The following ARHGAP8 variants were observed in gnomAD, a reference collection of about 807,000 sequenced individuals.
ARHGAP8 encodes the protein Rho GTPase activating protein 8.
A neutral mutation model predicts 46.1 loss-of-function variants in ARHGAP8; 62 were observed. The observed-to-expected ratio is 1.34, with a 90% CI of 1.10 to 1.66. The LOEUF is 1.66. Among genes scored for constraint, ARHGAP8 ranks in the 40% most tolerant of loss-of-function variants. The pLI, the probability that ARHGAP8 is intolerant of heterozygous loss-of-function variation, is 0.00. For missense variants in ARHGAP8, 923 were observed against 568.4 expected, an observed-to-expected ratio of 1.62 and a Z score of -6.34; for synonymous variants, 375 against 243.1, an observed-to-expected ratio of 1.54 and a Z score of -5.05.
At chr22:44,861,112 C>T (rs1057263431) in intron 11 of ARHGAP8, among the ~76,000 whole-genome samples, 1 of 152,166 alleles carries the variant, frequency 6.6e-6, no homozygotes. Flanking sequence ...GCTGGGATTA[C>T]AGGTGAGAAC....
intron 7 of ARHGAP8, among the ~76,000 whole-genome samples, chr22:44,839,544 G>A (rs965394171): frequency 2.0e-5 from 3 of 152,188 alleles, no homozygotes; most frequent in Admixed American, 2.0e-4. Flanking sequence ...GTGGAGCCCA[G>A]CAGGAGGAGC....
intron 7 of ARHGAP8, among the ~76,000 whole-genome samples, chr22:44,835,256 G>A (rs1931207217): frequency 6.7e-6 from 1 of 148,542 alleles, no homozygotes; most frequent in African/African-American, 2.5e-5. Context: ...TATATTTAAA[G>A]TATTTTCTCA....
At chr22:44,861,596 T>C (rs996057674) in intron 11 of ARHGAP8, among the ~76,000 whole-genome samples, 8 of 152,136 alleles carry the variant, frequency 5.3e-5, no homozygotes, top group Admixed American at 3.3e-4. Flanking sequence ...TCATGACCCC[T>C]GTTTCTGACT....
rs1007617865 is a variant in ARHGAP8 at position 44,862,158 on chromosome 22, T to G, written c.982-117T>G. ...AGGGTCCCCATTACTGGCTGCCGGC[T>G]CCCAGTCCAGTGCTCCTCTCACTAC... On this transcript the variant is annotated intron_variant, in intron 11 of 11. Coordinates refer to ENST00000356099, the MANE Select transcript of ARHGAP8 (RefSeq NM_181335.3). 6.3e-6 allele frequency: 8 copies of G among 1,271,740 alleles called. No homozygotes were observed. The African/African-American group carries it at 1.2e-4, about 19-fold the overall frequency. 78.8% of individuals were successfully genotyped at this position (1,271,740 alleles called of 1,614,324 possible). A position where few individuals can be genotyped will look rare whatever the true frequency, so the allele number is the denominator to read the frequency against.
At chr22:44,857,021 AC>A (rs2070245239) in intron 10 of ARHGAP8, among the ~76,000 whole-genome samples, 1 of 141,850 alleles carries the variant, frequency 7.0e-6, no homozygotes, top group African/African-American at 2.9e-5. Context: ...GCTCACTGCA[AC>A]CTCTGCCTCC....
chr22:44,862,256 T>A lies in ARHGAP8; in HGVS notation c.982-19T>A, dbSNP rs543257230. The A allele has an allele frequency of 1.9e-6, 3 of 1,574,020 alleles. No homozygotes were observed. Among genetic ancestry groups the A allele is most frequent in the Non-Finnish European group, 2.6e-6 (3 of 1,155,472 alleles). The stretch of plus-strand genomic sequence containing the variant: ...CCCTTGGTGTTCACTCCCCTTTACT[T>A]GTGTGTGGTTTCCTCCAGGTGTCCC... On this transcript the variant is annotated intron_variant, in intron 11 of 11. Coordinates refer to ENST00000356099, the MANE Select transcript of ARHGAP8 (RefSeq NM_181335.3).
intron 7 of ARHGAP8, among the ~76,000 whole-genome samples, chr22:44,843,002 C>T (rs1313758152): frequency 1.3e-5 from 2 of 152,118 alleles, no homozygotes; most frequent in African/African-American, 4.8e-5. Context: ...TGAAGGTTTA[C>T]GTTGTTGATG....
intron 10 of ARHGAP8, 105 bp from the exon 11 acceptor site, chr22:44,859,626 A>G (rs1485845527): frequency 1.3e-5 from 16 of 1,250,102 alleles, no homozygotes; most frequent in African/African-American, 7.5e-5. Context: ...GGGATAGTCC[A>G]TCCTCAGAGC....
At chr22:44,792,450 C>A (rs1927761856) in intron 2 of ARHGAP8, among the ~76,000 whole-genome samples, 1 of 152,280 alleles carries the variant, frequency 6.6e-6, no homozygotes, top group South Asian at 2.1e-4. Flanking sequence ...TTCTCTCGTA[C>A]CCTAAGTGCA....
At chr22:44,754,338 TTGTGTGTGTGTG>T (rs35257490) in intron 1 of ARHGAP8, among the ~76,000 whole-genome samples, 27 of 146,524 alleles carry the variant, frequency 1.8e-4, no homozygotes, top group African/African-American at 6.4e-4. Context: ...CATTGAAACT[TTGTGTGTGTGTG>T]TGTGTGTGTG....
chr22:44,834,200 A>G (rs1023315483), intron 7 of ARHGAP8, among the ~76,000 whole-genome samples: 1 of 151,214 alleles, frequency 6.6e-6, no homozygotes, highest in African/African-American at 2.4e-5. Context: ...GATTTAGTTC[A>G]TTTTCTTTTT....
chr22:44,831,213 G>C (rs1930921466), intron 7 of ARHGAP8, among the ~76,000 whole-genome samples: 1 of 152,048 alleles, frequency 6.6e-6, no homozygotes, highest in Non-Finnish European at 1.5e-5. Flanking sequence ...TTGTGCTTTT[G>C]GTGTTTTATC....
rs77337227 is a variant in ARHGAP8, at chr22:44,852,421, A to T, written c.877+3361A>T. On this transcript the variant is annotated intron_variant, in intron 10 of 11. Transcript: ENST00000356099. ...TGATCTGCTACACAGAAGTAGGGGG[A>T]GTCAGAGAGAGCCCTTCCCACACCT... 2.7e-3 allele frequency among the ~76,000 whole-genome samples: 407 copies of T among 152,170 alleles called. 2 individuals carry two copies. The highest frequency in any genetic ancestry group is 4.0e-3 in the Non-Finnish European group (269 of 67,990).
rs2070389360 is a variant in ARHGAP8, at chr22:44,859,984, A to AT, written c.981+151dup. 27 of 970,270 alleles carry AT rather than the reference A, an allele frequency of 2.8e-5. No individual in the cohort carries two copies. The South Asian group carries it at 4.6e-4, about 17-fold the overall frequency. 60.1% of individuals were successfully genotyped at this position (970,270 alleles called of 1,614,324 possible). ...CCACTCCCTGCCCCCCAAGGACCTC[A>AT]TCCAAGGCCTGGTCAGGCACCCATG... On this transcript the variant is annotated intron_variant, in intron 11 of 11. Transcript: ENST00000356099.
intron 3 of ARHGAP8, among the ~76,000 whole-genome samples, chr22:44,807,741 C>A (rs1048964649): frequency 6.6e-6 from 1 of 152,194 alleles, no homozygotes; most frequent in Non-Finnish European, 1.5e-5. Flanking sequence ...GGGCCGTGCT[C>A]CCTGGGAAGG....
At chr22:44,765,494 G>T (rs1304030295) in intron 1 of ARHGAP8, 1 of 152,614 alleles carries the variant, frequency 6.6e-6, no homozygotes, top group Non-Finnish European at 1.5e-5. Flanking sequence ...CTGGGGAGGG[G>T]TGGGACAGAG....
chr22:44,805,314 A>T lies in ARHGAP8; in HGVS notation c.168-2993A>T, dbSNP rs139288134. Among the ~76,000 whole-genome samples the T allele has an allele frequency of 1.8e-3, 269 of 152,322 alleles. 2 individuals carry two copies. Among genetic ancestry groups the T allele is most frequent in the African/African-American group, 6.3e-3 (262 of 41,574 alleles). On this transcript the variant is annotated intron_variant, in intron 3 of 11. Coordinates refer to ENST00000356099, the MANE Select transcript of ARHGAP8 (RefSeq NM_181335.3). ...GCCGGGTACCGGGAGTGTGATGGGG[A>T]GAATGACTGTTGAACAGGTCTCAGT...
chr22:44,790,578 A>G (rs1927590131), intron 2 of ARHGAP8, among the ~76,000 whole-genome samples: 1 of 151,104 alleles, frequency 6.6e-6, no homozygotes, highest in African/African-American at 2.4e-5. Context: ...TGGGAGGCTG[A>G]AACAGGAGAA....
intron 1 of ARHGAP8, among the ~76,000 whole-genome samples, chr22:44,757,805 AT>A (rs132444): frequency 0.028 from 3,895 of 136,930 alleles, 58 homozygotes; most frequent in African/African-American, 0.042. Context: ...TGCCTGGCTA[AT>A]TTTTTTTTTT....
Sources: gnomAD v4.1 joint callset for allele counts (sites outside exome capture counted in the v4.1 genomes callset) on GRCh38, gnomAD v4.1.1 for gene constraint, MANE v1.5 for transcripts, NCBI Gene and HGNC (gene_info 2026-07-23, HGNC 2026-07-21) for gene names.